Variants in TTC34 observed in about 807,000 individuals in gnomAD.
The protein encoded by TTC34 is tetratricopeptide repeat protein 34.
Under a neutral mutation model 40.7 loss-of-function variants are expected in TTC34, and 44 were observed. The ratio of observed to expected loss-of-function variants is 1.08; its 90% CI spans 0.85 to 1.39. TTC34 has a LOEUF of 1.39. Among genes scored for constraint, TTC34 ranks in the 40% most tolerant of loss-of-function variants. The pLI, the probability that TTC34 is intolerant of heterozygous loss-of-function variation, is 0.00. For synonymous variants in TTC34, 422 were observed against 398.6 expected, an observed-to-expected ratio of 1.06 and a Z score of -0.70; for missense variants, 884 against 838.0, an observed-to-expected ratio of 1.05 and a Z score of -0.68.
At chr1:2,757,842 G>A (rs1163507536) in intron 6 of TTC34, among the ~76,000 whole-genome samples, 25 of 146,250 alleles carry the variant, frequency 1.7e-4, no homozygotes, top group East Asian at 1.6e-3. Flanking sequence ...CCCCAGGTGC[G>A]CATCTGATGG....
At chr1:2,687,571 A>G (rs1247243943) in intron 6 of TTC34, among the ~76,000 whole-genome samples, 2 of 136,748 alleles carry the variant, frequency 1.5e-5, no homozygotes, top group Admixed American at 7.1e-5. Flanking sequence ...CTGCACCGCC[A>G]GGTGACGATC....
At chr1:2,800,970 A>AC in intron 1 of TTC34, 102 bp from the exon 2 acceptor site, 1 of 397,354 alleles carries the variant, frequency 2.5e-6, no homozygotes, top group Non-Finnish European at 4.4e-6. Context: ...CTTCCCATTG[A>AC]CCCCACGGTC....
intron 6 of TTC34, among the ~76,000 whole-genome samples, chr1:2,752,449 C>T (rs1641353983): frequency 2.0e-5 from 3 of 147,006 alleles, no homozygotes; most frequent in South Asian, 2.2e-4. Flanking sequence ...CAGCACCCTG[C>T]ACCCCCAGGT....
intron 6 of TTC34, among the ~76,000 whole-genome samples, chr1:2,655,324 C>A (rs796596340): frequency 1.8e-4 from 1 of 5,562 alleles, no homozygotes; most frequent in African/African-American, 4.8e-4. Context: ...CCCGGAACAG[C>A]ACGCTGCACC....
At chr1:2,696,325 T>G (rs1640863718) in intron 6 of TTC34, among the ~76,000 whole-genome samples, 1 of 137,748 alleles carries the variant, frequency 7.3e-6, no homozygotes, top group Non-Finnish European at 1.6e-5. Context: ...CACCCCCAGG[T>G]GTGCACGTGA....
At chr1:2,686,580 C>A (rs1356997143) in intron 6 of TTC34, among the ~76,000 whole-genome samples, 1 of 113,908 alleles carries the variant, frequency 8.8e-6, no homozygotes, top group African/African-American at 3.4e-5. Context: ...GAGCATCTGA[C>A]CGCCTGGAAC....
chr1:2,748,600 C>CTGACAG (rs1641221962), intron 6 of TTC34, among the ~76,000 whole-genome samples: 1 of 94,726 alleles, frequency 1.1e-5, no homozygotes, highest in African/African-American at 4.2e-5. Context: ...AGCACCCACA[C>CTGACAG]CCCCAGGTGA....
intron 6 of TTC34, among the ~76,000 whole-genome samples, chr1:2,756,587 CAA>C (rs1641512767): frequency 3.9e-5 from 2 of 51,832 alleles, no homozygotes; most frequent in Admixed American, 1.8e-4. Context: ...GCACCCACAC[CAA>C]CAGGTGAGCA....
intron 6 of TTC34, among the ~76,000 whole-genome samples, chr1:2,767,426 G>A (rs1641801776): frequency 6.9e-6 from 1 of 144,816 alleles, no homozygotes; most frequent in African/African-American, 2.6e-5. Context: ...CTGACCGCAT[G>A]GAATGGCATC....
rs371838549 is a variant in TTC34, at chr1:2,783,740, G to A, written c.2095C>T (p.Arg699Cys). ...TTCTGGCCCAGGAACCCATAGCAGC[G>A]GGCTCGGGCAAGGAGGGACTCACTT... The change falls in exon 6 of 9, where the codon CGC becomes TGC. Residue 699 changes from arginine to cysteine, a missense_variant. By Grantham distance (180) the Arg-to-Cys change is radical (BLOSUM62 -3). Transcript: ENST00000401095. The A allele has an allele frequency of 1.2e-5, 19 of 1,539,934 alleles. No individual in the cohort carries two copies. The highest frequency in any genetic ancestry group is 5.5e-5 in the African/African-American group (4 of 72,762).
intron 6 of TTC34, among the ~76,000 whole-genome samples, chr1:2,686,353 A>AC (rs2100340402): frequency 6.6e-6 from 1 of 151,034 alleles, no homozygotes; most frequent in African/African-American, 2.4e-5. Context: ...CTGGAGCAGC[A>AC]CCCACACCCC....
intron 2 of TTC34, among the ~76,000 whole-genome samples, chr1:2,790,571 G>C (rs1248181052): frequency 6.6e-6 from 1 of 152,240 alleles, no homozygotes; most frequent in Non-Finnish European, 1.5e-5. Flanking sequence ...TGAGAACCGT[G>C]CTGGGCAAGC....
intron 6 of TTC34, among the ~76,000 whole-genome samples, chr1:2,692,560 G>GT (rs1640673009): frequency 6.1e-5 from 1 of 16,282 alleles, no homozygotes; most frequent in Non-Finnish European, 1.1e-4. Context: ...GGCGAGCATC[G>GT]GACGGCCTGG....
chr1:2,697,278 A>C (rs78567540), intron 6 of TTC34, among the ~76,000 whole-genome samples: 392 of 10,376 alleles, frequency 0.038, no homozygotes, highest in Middle Eastern at 0.12. Context: ...GGAACAGCAC[A>C]CACACCCCCA....
chr1:2,800,775 T>C (rs1406455685), exon 2 of TTC34: 8 of 398,814 alleles, frequency 2.0e-5, no homozygotes, highest in Non-Finnish European at 3.5e-5. Flanking sequence ...CAGCGCCAGA[T>C]GCTGCTCCCC....
intron 6 of TTC34, among the ~76,000 whole-genome samples, chr1:2,773,145 C>T (rs1322654077): frequency 5.2e-4 from 42 of 81,016 alleles, no homozygotes; most frequent in East Asian, 3.4e-3. Flanking sequence ...CAACCCCAGG[C>T]GAGCATCTGA....
rs527757167 is a variant in TTC34 at position 2,694,035 on chromosome 1, C to A, written c.2227-48472G>T. Among the ~76,000 whole-genome samples, 166 of 73,054 alleles carry A rather than the reference C, an allele frequency of 2.3e-3. 25 individuals carry two copies. Among genetic ancestry groups the A allele is most frequent in the African/African-American group, 6.6e-3 (138 of 20,830 alleles). The allele number at this position is 73,054 out of a possible 152,430, so 47.9% of individuals were successfully genotyped here. A position where few individuals can be genotyped will look rare whatever the true frequency, so the allele number is the denominator to read the frequency against. ...CTGGAACAGCACCCACACCCCCAGG[C>A]GAGCATCTCACAGCACGTAACAGCA... On this transcript the variant is annotated intron_variant, in intron 6 of 8. Coordinates refer to ENST00000401095, the Ensembl canonical transcript of TTC34.
intron 6 of TTC34, among the ~76,000 whole-genome samples, chr1:2,650,200 G>C (rs1639100868): frequency 1.4e-5 from 2 of 144,618 alleles, no homozygotes; most frequent in South Asian, 4.5e-4. Context: ...TGACAGCCTG[G>C]AATGGCACTC....
intron 6 of TTC34, among the ~76,000 whole-genome samples, chr1:2,686,347 A>G (rs1570813994): frequency 7.5e-6 from 1 of 133,538 alleles, no homozygotes; most frequent in African/African-American, 2.8e-5. Context: ...GACAGCCTGG[A>G]GCAGCACCCA....
Sources: allele counts gnomAD v4.1 joint callset (sites outside exome capture counted in the v4.1 genomes callset), GRCh38; gene constraint gnomAD v4.1.1; transcripts MANE v1.5; gene names NCBI Gene and HGNC (gene_info 2026-07-23, HGNC 2026-07-21).